GRID2: variants seen among roughly 807,000 people sequenced by gnomAD.
GRID2 encodes the protein glutamate ionotropic receptor delta type subunit 2.
Under a neutral mutation model 114.8 loss-of-function variants are expected in GRID2, and 33 were observed. The observed-to-expected ratio is 0.29, with a 90% CI of 0.22 to 0.38. The LOEUF is 0.38. Ranked by LOEUF, GRID2 falls within the 10% of genes least tolerant of loss-of-function variation. GRID2 has a pLI of 1.00. For missense variants in GRID2, 1,184 were observed against 1,257.7 expected (o/e 0.94, Z 0.89); for synonymous variants, 505 against 449.9 (o/e 1.12, Z -1.55).
intron 1 of GRID2, among the ~76,000 whole-genome samples, chr4:92,415,699 C>G: frequency 8.7e-6 from 1 of 114,576 alleles, no homozygotes; most frequent in Admixed American, 9.5e-5. Flanking sequence ...TGTGTGTGTG[C>G]ATGCGCATGT....
intron 2 of GRID2, among the ~76,000 whole-genome samples, chr4:93,052,893 T>C (rs914371691): frequency 1.3e-5 from 2 of 151,894 alleles, no homozygotes; most frequent in African/African-American, 4.8e-5. Context: ...ATTCTTAATT[T>C]TGCAGTTAAT....
At chr4:92,678,408 C>A (rs993727909) in intron 2 of GRID2, among the ~76,000 whole-genome samples, 1 of 151,936 alleles carries the variant, frequency 6.6e-6, no homozygotes, top group Non-Finnish European at 1.5e-5. Flanking sequence ...AATAACATAC[C>A]TTTACTTTAT....
intron 2 of GRID2, among the ~76,000 whole-genome samples, chr4:92,874,010 G>A (rs946932644): frequency 5.3e-5 from 8 of 151,990 alleles, no homozygotes; most frequent in Non-Finnish European, 8.8e-5. Flanking sequence ...CACTGCGCCC[G>A]GCCTCCTCTA....
In GRID2 at chr4:93,221,930, C is replaced by T. The variant is rs548290190; in HGVS notation, c.964-2684C>T. On this transcript the variant is annotated intron_variant, in intron 6 of 15. Coordinates refer to ENST00000282020, the MANE Select transcript of GRID2 (RefSeq NM_001510.4). ...ATAGATGCTCAAAATACATGCCTCACGGTCTGCAAAAGAGAATGTGCCCCA... is the reference window on the plus strand; with the variant it reads ...ATAGATGCTCAAAATACATGCCTCATGGTCTGCAAAAGAGAATGTGCCCCA... Among the ~76,000 whole-genome samples the T allele has an allele frequency of 8.5e-5, 13 of 152,274 alleles. No individual in the cohort carries two copies. The East Asian group carries it at 1.2e-3, about 14-fold the overall frequency.
intron 8 of GRID2, among the ~76,000 whole-genome samples, chr4:93,360,651 T>G (rs1761802111): frequency 6.6e-6 from 1 of 151,958 alleles, no homozygotes; most frequent in Non-Finnish European, 1.5e-5. Flanking sequence ...TTTCAAAATA[T>G]TTACATGTGT....
intron 10 of GRID2, among the ~76,000 whole-genome samples, chr4:93,448,879 TTCCCC>T (rs1443271391): frequency 3.0e-4 from 5 of 16,420 alleles, no homozygotes; most frequent in African/African-American, 5.0e-4. Context: ...TCCCCTTCCC[TTCCCC>T]TTCCCTTCCC....
intron 2 of GRID2, among the ~76,000 whole-genome samples, chr4:92,719,292 A>T (rs182368369): frequency 6.6e-6 from 1 of 152,202 alleles, no homozygotes; most frequent in Admixed American, 6.6e-5. Context: ...TGGCCAAAAG[A>T]CAGGTTCTTA....
intron 4 of GRID2, among the ~76,000 whole-genome samples, chr4:93,168,860 C>A (rs1231471349): frequency 2.0e-5 from 3 of 151,978 alleles, no homozygotes; most frequent in Non-Finnish European, 4.4e-5. Flanking sequence ...AAATGTGGTC[C>A]ATTTGTGCCC....
intron 14 of GRID2, among the ~76,000 whole-genome samples, chr4:93,753,337 A>G (rs1036641): frequency 6.6e-6 from 1 of 152,274 alleles, no homozygotes; most frequent in Admixed American, 6.5e-5. Context: ...CATCTTAGAA[A>G]AATTCTTTTT....
intron 1 of GRID2, among the ~76,000 whole-genome samples, chr4:92,487,603 CTT>C (rs1722956409): frequency 6.6e-6 from 1 of 151,944 alleles, no homozygotes; most frequent in South Asian, 2.1e-4. Flanking sequence ...GAATTTCTAT[CTT>C]TTTATCTTTA....
At chr4:92,537,784 GGTGTGTGTGTGTGT>G (rs70942907) in intron 1 of GRID2, among the ~76,000 whole-genome samples, 3,268 of 125,978 alleles carry the variant, frequency 0.026, 104 homozygotes, top group African/African-American at 0.074. Flanking sequence ...AAAAACTTGC[GGTGTGTGTGTGTGT>G]GTGTGTGTGT....
At chr4:93,565,829 T>C (rs946342330) in intron 13 of GRID2, among the ~76,000 whole-genome samples, 1 of 152,212 alleles carries the variant, frequency 6.6e-6, no homozygotes, top group Non-Finnish European at 1.5e-5. Context: ...TGAAGAGTTA[T>C]ATATAGCATC....
At chr4:93,111,177 TAGAC>T (rs1268230106) in intron 4 of GRID2, among the ~76,000 whole-genome samples, 4 of 152,182 alleles carry the variant, frequency 2.6e-5, no homozygotes, top group Admixed American at 6.5e-5. Flanking sequence ...TTTAGGCACA[TAGAC>T]AGAACAATTT....
chr4:92,930,440 G>A (rs563674380), intron 2 of GRID2, among the ~76,000 whole-genome samples: 1 of 151,036 alleles, frequency 6.6e-6, no homozygotes, highest in Non-Finnish European at 1.5e-5. Context: ...ATTAAAGAAG[G>A]CTTAAATTTG....
chr4:92,747,758 C>G (rs1343656361), intron 2 of GRID2, among the ~76,000 whole-genome samples: 2 of 152,130 alleles, frequency 1.3e-5, no homozygotes, highest in Admixed American at 1.3e-4. Flanking sequence ...TACTAATAAA[C>G]ATTCAATAAT....
chr4:93,607,317 C>G (rs1740353836), intron 13 of GRID2, among the ~76,000 whole-genome samples: 1 of 152,068 alleles, frequency 6.6e-6, no homozygotes, highest in African/African-American at 2.4e-5. Context: ...TAAATACTTT[C>G]TGTGTCTTGC....
chr4:93,276,664 C>T (rs764343085), intron 8 of GRID2, among the ~76,000 whole-genome samples: 4 of 151,864 alleles, frequency 2.6e-5, no homozygotes, highest in African/African-American at 9.6e-5. Flanking sequence ...CTATTTTGTT[C>T]TTTTTGATAC....
At chr4:93,087,227 A>G (rs1298761173) in intron 3 of GRID2, among the ~76,000 whole-genome samples, 1 of 151,610 alleles carries the variant, frequency 6.6e-6, no homozygotes, top group East Asian at 1.9e-4. Context: ...TTTTTAGTAG[A>G]GATGGGGTTT....
chr4:93,152,667 T>G (rs1736837230), intron 4 of GRID2, among the ~76,000 whole-genome samples: 1 of 152,132 alleles, frequency 6.6e-6, no homozygotes. Context: ...TGAGCCGTGA[T>G]AGTAACAGAT....
Sources: gnomAD v4.1 joint callset for allele counts (sites outside exome capture counted in the v4.1 genomes callset) on GRCh38, gnomAD v4.1.1 for gene constraint, MANE v1.5 for transcripts, NCBI Gene and HGNC (gene_info 2026-07-23, HGNC 2026-07-21) for gene names.